Variants in EDN3 observed in about 807,000 individuals in gnomAD.
EDN3 encodes the protein endothelin-3.
A neutral mutation model predicts 21.4 loss-of-function variants in EDN3; 9 were observed. The ratio of observed to expected loss-of-function variants is 0.42; its 90% confidence interval spans 0.25 to 0.73. The LOEUF (loss-of-function observed/expected upper bound fraction) is 0.73. Among genes scored for constraint, EDN3 ranks in the 30% least tolerant of loss-of-function variants. The pLI is 0.26. For missense variants in EDN3, 327 were observed against 309.4 expected (o/e 1.06, Z -0.43); for synonymous variants, 133 against 126.2 (o/e 1.05, Z -0.36).
chr20:59,311,326 G>A (rs756483134), intron 2 of EDN3, among the ~76,000 whole-genome samples: 4 of 152,196 alleles, frequency 2.6e-5, no homozygotes, highest in African/African-American at 4.8e-5. Context: ...AGAGTAAAGC[G>A]AAAGCAAATG....
chr20:59,317,721 G>A (rs993433888), intron 2 of EDN3, among the ~76,000 whole-genome samples: 2 of 152,208 alleles, frequency 1.3e-5, no homozygotes, highest in African/African-American at 4.8e-5. Flanking sequence ...AGTGGATGCT[G>A]AAGAATGTTG....
chr20:59,319,726 C>CA (rs528500611), intron 2 of EDN3, among the ~76,000 whole-genome samples: 9,618 of 50,994 alleles, frequency 0.19, 749 homozygotes, highest in African/African-American at 0.36. Context: ...GACTCTGTCT[C>CA]AAAAAAAAAA....
intron 1 of EDN3, 83 bp downstream of exon 1, chr20:59,300,947 A>T (rs1410978975): frequency 6.6e-7 from 1 of 1,507,176 alleles, no homozygotes; most frequent in Non-Finnish European, 9.0e-7. Flanking sequence ...CGCGGAGAAG[A>T]TGTGCGTCGC....
chr20:59,323,012 A>T (rs552815753), intron 4 of EDN3, among the ~76,000 whole-genome samples: 1 of 152,164 alleles, frequency 6.6e-6, no homozygotes, highest in African/African-American at 2.4e-5. Context: ...TTGTCATTCT[A>T]TCAATCAGAA....
At position 59,322,310 on chromosome 20, in the gene EDN3, AC is replaced by A; in HGVS notation, c.543-60del. ...GGGGAAGAGGAAGTCATAATTTGAC[AC>A]CGAAAAACCAGCCACAGGGAAAGGC... On this transcript the variant is annotated intron_variant, in intron 3 of 4. Coordinates refer to ENST00000337938, the MANE Select transcript of EDN3 (RefSeq NM_207034.3). This position sits in a 1 kb window ranked among gnomAD's most constrained non-coding sequence, Gnocchi z 4.1. The A allele has an allele frequency of 1.3e-6, 2 of 1,596,278 alleles. No homozygotes were observed. Among genetic ancestry groups the A allele is most frequent in the South Asian group, 2.2e-5 (2 of 90,706 alleles).
chr20:59,300,952 C>A, intron 1 of EDN3, 88 bp downstream of exon 1: 2 of 1,478,406 alleles, frequency 1.4e-6, no homozygotes, highest in African/African-American at 2.8e-5. Flanking sequence ...AGAAGATGTG[C>A]GTCGCGGGGA....
chr20:59,324,296 C>CT lies in EDN3; in HGVS notation c.589-26dup, dbSNP rs200182949. 1,569 of 1,598,308 alleles carry CT rather than the reference C, an allele frequency of 9.8e-4. 22 individuals carry two copies. In the East Asian group the frequency reaches 0.025, roughly 25 times the overall value. ...AGCTACACTTTCATAACATACCTTT[C>CT]TTTTTTTTTCTTTTGCCCCCTTTCC... On this transcript the variant is annotated intron_variant, in intron 4 of 4. Transcript: ENST00000337938.
intron 2 of EDN3, among the ~76,000 whole-genome samples, chr20:59,304,441 C>G (rs776079456): frequency 6.6e-6 from 1 of 152,234 alleles, no homozygotes; most frequent in Non-Finnish European, 1.5e-5. Context: ...TGATTTCTCC[C>G]TGTCCCAGCG....
intron 2 of EDN3, among the ~76,000 whole-genome samples, chr20:59,313,001 G>C (rs1989933003): frequency 6.6e-6 from 1 of 152,194 alleles, no homozygotes; most frequent in South Asian, 2.1e-4. Context: ...GATGTGGCCT[G>C]CAGGAGTTAT....
rs11570274 is a variant in EDN3, at chr20:59,305,422, C to G, written c.365+3700C>G. On this transcript the variant is annotated intron_variant, in intron 2 of 4. Coordinates refer to ENST00000337938, the MANE Select transcript of EDN3 (RefSeq NM_207034.3). This position sits in a 1 kb window ranked among gnomAD's most constrained non-coding sequence, Gnocchi z 4.2. ...ATGAGCAGACTGAAGAAACAGATACCAGGTAGCTGGGGCCTGTAGGAGTCA... is the reference window on the plus strand; with the variant it reads ...ATGAGCAGACTGAAGAAACAGATACGAGGTAGCTGGGGCCTGTAGGAGTCA... Among the ~76,000 whole-genome samples the G allele has an allele frequency of 3.3e-5, 5 of 152,190 alleles. No homozygotes were observed. The highest frequency in any genetic ancestry group is 3.9e-4 in the East Asian group (2 of 5,194).
In EDN3 at chr20:59,301,500, A is replaced by T. The variant is rs1369012384; in HGVS notation, c.143A>T (p.Glu48Val). 2 of 1,612,976 alleles carry T rather than the reference A, an allele frequency of 1.2e-6. No homozygotes were observed. Among genetic ancestry groups the T allele is most frequent in the Non-Finnish European group, 8.5e-7 (1 of 1,179,766 alleles). ...TAARSEGDCE[E>V]TVAGPGEETV... ...GCCAGATCTGAGGGGGACTGTGAAG[A>T]GACTGTGGCTGGCCCTGGCGAGGAG... Residue 48 changes from glutamate to valine, a missense_variant, in exon 2 of 5, where the codon GAG (glutamate) becomes GTG (valine). Transcript: ENST00000337938.
In EDN3 at chr20:59,311,600, G is replaced by A. The variant is rs971373172; in HGVS notation, c.366-9417G>A. Among the ~76,000 whole-genome samples, 3 of 151,786 alleles carry A rather than the reference G, an allele frequency of 2.0e-5. No individual in the cohort carries two copies. In the South Asian group the frequency reaches 6.2e-4, roughly 32 times the overall value. On this transcript the variant is annotated intron_variant, in intron 2 of 4. Coordinates refer to ENST00000337938, the MANE Select transcript of EDN3 (RefSeq NM_207034.3). Reference sequence around the variant, plus strand: ...TTATAATTAGCATATAATGAGCAGTGAGGACAACAGAAGGTCACTTGGGTT... The same window carrying A: ...TTATAATTAGCATATAATGAGCAGTAAGGACAACAGAAGGTCACTTGGGTT...
intron 2 of EDN3, among the ~76,000 whole-genome samples, chr20:59,317,443 A>G (rs1003689932): frequency 6.6e-6 from 1 of 152,156 alleles, no homozygotes; most frequent in Non-Finnish European, 1.5e-5. Context: ...TTTGCTAAGT[A>G]TTTTCCATGC....
intron 2 of EDN3, among the ~76,000 whole-genome samples, chr20:59,317,554 A>G (rs1197532503): frequency 6.6e-6 from 1 of 152,182 alleles, no homozygotes; most frequent in Non-Finnish European, 1.5e-5. Flanking sequence ...TTACCAGGTC[A>G]TGTGTCTCTG....
chr20:59,304,887 T>A (rs1287596769), intron 2 of EDN3, among the ~76,000 whole-genome samples: 1 of 152,146 alleles, frequency 6.6e-6, no homozygotes, highest in Non-Finnish European at 1.5e-5. Flanking sequence ...GCATGGATGC[T>A]CAGGAAATGC....
In EDN3 at chr20:59,300,639, G is replaced by T; in HGVS notation, c.-174G>T. 1 of 654,222 alleles carries T rather than the reference G, an allele frequency of 1.5e-6. No homozygotes were observed. Among genetic ancestry groups the T allele is most frequent in the Non-Finnish European group, 2.6e-6 (1 of 383,412 alleles). 40.5% of individuals were successfully genotyped at this position (654,222 alleles called of 1,614,324 possible). On this transcript the variant is annotated 5_prime_UTR_variant, in exon 1 of 5. Transcript: ENST00000337938. Reference sequence around the variant, plus strand: ...CAGGGATGGGCAGCGCGCTCTGAAAGTTTATGACCGCCGCAGCCAACTCCT... The same window carrying T: ...CAGGGATGGGCAGCGCGCTCTGAAATTTTATGACCGCCGCAGCCAACTCCT...
At chr20:59,312,950 C>A (rs981348497) in intron 2 of EDN3, among the ~76,000 whole-genome samples, 12 of 152,168 alleles carry the variant, frequency 7.9e-5, no homozygotes, top group Admixed American at 2.0e-4. Context: ...TGCTCTGGTA[C>A]CTTACCCATC....
chr20:59,312,414 A>T (rs531884334), intron 2 of EDN3, among the ~76,000 whole-genome samples: 2 of 152,238 alleles, frequency 1.3e-5, no homozygotes, highest in East Asian at 1.9e-4. Flanking sequence ...CATAACAAAA[A>T]CCAGAGGTAT....
intron 1 of EDN3, 84 bp from the exon 2 acceptor site, chr20:59,301,325 AC>A: frequency 3.3e-6 from 5 of 1,510,018 alleles, no homozygotes; most frequent in South Asian, 1.2e-5. Flanking sequence ...TGCTTGCTCC[AC>A]CCCCCTCCTC....
Sources: gnomAD v4.1 joint callset for allele counts (sites outside exome capture counted in the v4.1 genomes callset) on GRCh38, gnomAD v4.1.1 for gene constraint, Gnocchi (gnomAD v3.1) non-coding constraint, MANE v1.5 for transcripts, NCBI Gene and HGNC (gene_info 2026-07-23, HGNC 2026-07-21) for gene names.